Variants in CYBA observed in about 807,000 individuals in gnomAD.
CYBA encodes cytochrome b-245 light chain.
A neutral mutation model predicts 20.8 loss-of-function variants in CYBA; 21 were observed. The ratio of observed to expected loss-of-function variants is 1.01; its 90% CI spans 0.72 to 1.46. The LOEUF (loss-of-function observed/expected upper bound fraction) is 1.46. CYBA is among the 40% of genes most tolerant of loss of function. The pLI is 0.00. For synonymous variants in CYBA, 164 were observed against 127.5 expected, an observed-to-expected ratio of 1.29 and a Z score of -1.93; for missense variants, 344 against 287.0, an observed-to-expected ratio of 1.20 and a Z score of -1.43.
intron 1 of CYBA, chr16:88,650,431 G>A (rs1022444697): frequency 4.6e-5 from 21 of 458,112 alleles, no homozygotes; most frequent in African/African-American, 2.8e-4. Context: ...TCACTGGGTG[G>A]TTTCGGCGCC....
intron 1 of CYBA, among the ~76,000 whole-genome samples, chr16:88,649,083 GCCT>G (rs1567610041): frequency 1.3e-5 from 2 of 151,534 alleles, no homozygotes; most frequent in Non-Finnish European, 2.9e-5. Context: ...GACTATGCGC[GCCT>G]GCCACCATAC....
chr16:88,645,716 T>C, intron 5 of CYBA: 1 of 546,826 alleles, frequency 1.8e-6, no homozygotes, highest in Non-Finnish European at 3.3e-6. Context: ...GCACCGCCCA[T>C]GAATCAGCGC....
chr16:88,643,644 AC>A lies in CYBA; in HGVS notation c.370-74del. ...TCCCTCCCTCCCTCCCCGGAGGCCC[AC>A]CCCGCTAGGGGCCCTGGGACAGGCT... On this transcript the variant is annotated intron_variant, in intron 5 of 5. Transcript: ENST00000261623. This position sits in a 1 kb window ranked among gnomAD's most constrained non-coding sequence, Gnocchi z 4.3. The A allele has an allele frequency of 9.6e-7, 1 of 1,043,590 alleles. No individual in the cohort carries two copies. The highest frequency in any genetic ancestry group is 1.2e-6 in the Non-Finnish European group (1 of 830,642). The allele number at this position is 1,043,590 out of a possible 1,614,324, so 64.6% of individuals were successfully genotyped here.
intron 5 of CYBA, chr16:88,644,835 G>C (rs1386358885): frequency 4.7e-5 from 16 of 342,088 alleles, no homozygotes; most frequent in Non-Finnish European, 8.2e-5. Flanking sequence ...AAAAAAAAAA[G>C]AAGAAAAAGA....
chr16:88,644,119 C>T (rs1907191854), intron 5 of CYBA, among the ~76,000 whole-genome samples: 1 of 152,228 alleles, frequency 6.6e-6, no homozygotes, highest in Admixed American at 6.5e-5. Context: ...CCGGAGGTTC[C>T]ACTGCAACAG....
intron 2 of CYBA, 136 bp downstream of exon 2, chr16:88,647,909 A>G: frequency 1.2e-6 from 1 of 865,510 alleles, no homozygotes; most frequent in South Asian, 1.5e-5. Context: ...TGGGCTGCCC[A>G]ACCCGTGCAC....
At chr16:88,649,745 A>C (rs1263152731) in intron 1 of CYBA, among the ~76,000 whole-genome samples, 1 of 152,198 alleles carries the variant, frequency 6.6e-6, no homozygotes, top group African/African-American at 2.4e-5. Flanking sequence ...GAGAGCCGGG[A>C]GGCCAGGGCG....
chr16:88,650,963 G>A lies in CYBA; in HGVS notation c.51C>T (p.Ser17=), dbSNP rs1333090671. ...AMWANEQALA[S]GLILITGGIV... Reference sequence around the variant, plus strand: ...TCCCTGACGTGCACTCACTCAGGCCGGACGCCAGCGCCTGTTCGTTGGCCC... The same window carrying A: ...TCCCTGACGTGCACTCACTCAGGCCAGACGCCAGCGCCTGTTCGTTGGCCC... The change falls in exon 1 of 6, where the codon TCC becomes TCT. Residue 17 remains serine (S), a synonymous_variant. Transcript: ENST00000261623. The A allele has an allele frequency of 1.3e-6, 2 of 1,592,426 alleles. No individual in the cohort carries two copies. Among genetic ancestry groups the A allele is most frequent in the African/African-American group, 2.7e-5 (2 of 74,294 alleles).
Position 88,650,988 on chromosome 16 carries a change from C to T in CYBA, c.26G>A (p.Trp9Ter), listed in dbSNP as rs535897564. The part of the protein sequence containing the change: MGQIEWAM[W>*]ANEQALASGL... ...GGACGCCAGCGCCTGTTCGTTGGCCCACATGGCCCACTCGATCTGCCCCAT... is the reference window on the plus strand; with the variant it reads ...GGACGCCAGCGCCTGTTCGTTGGCCTACATGGCCCACTCGATCTGCCCCAT... The change falls in exon 1 of 6, where the codon TGG becomes TAG. Residue 9 changes from tryptophan to a stop codon, truncating the protein, a stop_gained. Transcript: ENST00000261623. LOFTEE classifies it high-confidence loss of function. The T allele has an allele frequency of 6.3e-7, 1 of 1,597,330 alleles. No individual in the cohort carries two copies. Among genetic ancestry groups the T allele is most frequent in the Non-Finnish European group, 8.5e-7 (1 of 1,173,438 alleles).
chr16:88,646,370 G>A, intron 4 of CYBA, 173 bp from the exon 5 acceptor site: 1 of 650,774 alleles, frequency 1.5e-6, no homozygotes, highest in Non-Finnish European at 2.8e-6. Context: ...GCCTTGATGT[G>A]GACACTAGCG....
chr16:88,646,088 G>A (rs901583715), intron 5 of CYBA, 28 bp downstream of exon 5: 17 of 1,535,358 alleles, frequency 1.1e-5, no homozygotes, highest in South Asian at 3.6e-5. Context: ...GGGGGTGGCC[G>A]GGGCCGACCT....
intron 3 of CYBA, 66 bp downstream of exon 3, chr16:88,647,035 C>G (rs1470491024): frequency 6.8e-6 from 10 of 1,473,490 alleles, no homozygotes; most frequent in Admixed American, 5.6e-5. Flanking sequence ...AAGCTCCACC[C>G]AACCCTGTGA....
At chr16:88,646,044 C>A (rs369344360) in intron 5 of CYBA, 72 bp downstream of exon 5, 151 of 1,292,944 alleles carry the variant, frequency 1.2e-4, no homozygotes, top group African/African-American at 1.0e-3. Flanking sequence ...AAGGGCCATG[C>A]GTGTCCGAGG....
intron 1 of CYBA, 110 bp from the exon 2 acceptor site, chr16:88,648,224 C>G: frequency 1.0e-6 from 1 of 980,640 alleles, no homozygotes. Context: ...TGCCCCCTAC[C>G]CATCCCCACA....
intron 2 of CYBA, chr16:88,647,667 A>G (rs1010981717): frequency 5.2e-6 from 2 of 386,570 alleles, no homozygotes; most frequent in African/African-American, 4.1e-5. Context: ...TCCTTGTCGC[A>G]AGGTCCGGCT....
chr16:88,643,584 G>A lies in CYBA; in HGVS notation c.370-13C>T. ...CACGCACAGCCGCCTGCGGGGCACT[G>A]AAGGGTTGAGCCGCGCCCCAGCGCC... On this transcript the variant is annotated splice_polypyrimidine_tract_variant and intron_variant, in intron 5 of 5. Transcript: ENST00000261623. The surrounding 1 kb of genome is among the most constrained non-coding windows in gnomAD (Gnocchi z 4.3). 1 of 1,531,252 alleles carries A rather than the reference G, an allele frequency of 6.5e-7. No homozygotes were observed. Among genetic ancestry groups the A allele is most frequent in the Non-Finnish European group, 8.7e-7 (1 of 1,144,560 alleles). 94.9% of individuals were successfully genotyped at this position (1,531,252 alleles called of 1,614,324 possible).
At chr16:88,647,014 A>G in intron 3 of CYBA, 87 bp downstream of exon 3, 1 of 1,344,164 alleles carries the variant, frequency 7.4e-7, no homozygotes, top group Non-Finnish European at 1.0e-6. Context: ...GGAGCCTCCA[A>G]GTGAGAAACC....
intron 1 of CYBA, 96 bp downstream of exon 1, chr16:88,650,860 C>A: frequency 1.5e-6 from 2 of 1,360,756 alleles, no homozygotes; most frequent in East Asian, 5.0e-5. Context: ...CGCCTGGCGC[C>A]CCACTTCCCC....
chr16:88,648,410 T>C (rs1321934356), intron 1 of CYBA, among the ~76,000 whole-genome samples: 1 of 150,058 alleles, frequency 6.7e-6, no homozygotes, highest in Non-Finnish European at 1.5e-5. Flanking sequence ...GACCCCCAAA[T>C]GGACCCCCTT....
Sources: gnomAD v4.1 joint callset for allele counts (sites outside exome capture counted in the v4.1 genomes callset) on GRCh38, gnomAD v4.1.1 for gene constraint, Gnocchi (gnomAD v3.1) non-coding constraint, MANE v1.5 for transcripts, NCBI Gene and HGNC (gene_info 2026-07-23, HGNC 2026-07-21) for gene names.